Variants in TMPRSS15 observed in about 807,000 individuals in gnomAD.
TMPRSS15 encodes enteropeptidase.
Under a neutral mutation model 125.3 loss-of-function variants are expected in TMPRSS15, and 128 were observed. The ratio of observed to expected loss-of-function variants is 1.02; its 90% CI spans 0.89 to 1.18. The LOEUF (loss-of-function observed/expected upper bound fraction) is 1.18, where lower values mean the gene tolerates loss of function less well. Ranked by LOEUF, TMPRSS15 falls within the 50% of genes most tolerant of loss-of-function variation. TMPRSS15 has a pLI of 0.00. For missense variants in TMPRSS15, 1,283 were observed against 1,212.7 expected (o/e 1.06, Z -0.86); for synonymous variants, 446 against 423.2 (o/e 1.05, Z -0.66).
chr21:18,367,043 C>T (rs2075744708), intron 6 of TMPRSS15, among the ~76,000 whole-genome samples: 1 of 151,544 alleles, frequency 6.6e-6, no homozygotes, highest in African/African-American at 2.4e-5. Flanking sequence ...TATATATTTT[C>T]AGGTGCATAA....
At position 18,297,706 on chromosome 21, in the gene TMPRSS15, T is replaced by A. The variant is rs554974984; in HGVS notation, c.2261+28A>T. On this transcript the variant is annotated intron_variant, in intron 19 of 24. Coordinates refer to ENST00000284885, the MANE Select transcript of TMPRSS15 (RefSeq NM_002772.3). ...ATCTTCTGCCATGTCTATGTACAAC[T>A]AGTCTAAGAACAGATTTAGGGACCC... 6.5e-6 allele frequency: 10 copies of A among 1,535,868 alleles called. No homozygotes were observed. In the Admixed American group the frequency reaches 1.7e-4, roughly 26 times the overall value.
rs549815861 is a variant in TMPRSS15, at chr21:18,353,863, G to A, written c.881C>T (p.Ala294Val). The A allele has an allele frequency of 6.2e-7, 1 of 1,610,106 alleles. No homozygotes were observed. The highest frequency in any genetic ancestry group is 8.5e-7 in the Non-Finnish European group (1 of 1,177,190). Reference sequence around the variant, plus strand: ...GCCAGGATTAGTTTCCCAAATAGAAGCTACAAAATAAAATAAACAACTGTT... The same window carrying A: ...GCCAGGATTAGTTTCCCAAATAGAAACTACAAAATAAAATAAACAACTGTT... ...EGVGSSKILR[A>V]SIWETNPGTI... Residue 294 changes from alanine to valine, a missense_variant and splice_region_variant, in exon 9 of 25, where the codon GCT becomes GTT. Coordinates refer to ENST00000284885, the MANE Select transcript of TMPRSS15 (RefSeq NM_002772.3).
At chr21:18,358,249 A>C (rs1286317341) in intron 8 of TMPRSS15, among the ~76,000 whole-genome samples, 1 of 151,784 alleles carries the variant, frequency 6.6e-6, no homozygotes, top group Non-Finnish European at 1.5e-5. Context: ...CTCAACCTCT[A>C]CCAATTTAGA....
At chr21:18,345,583 T>A (rs1431309274) in intron 10 of TMPRSS15, among the ~76,000 whole-genome samples, 1 of 146,078 alleles carries the variant, frequency 6.8e-6, no homozygotes. Flanking sequence ...CTACAAAAAA[T>A]ACAAAAAATT....
At position 18,470,928 on chromosome 21, in the gene TMPRSS15, A is replaced by G. The variant is rs546571672; in HGVS notation, c.10+14871T>C. Reference sequence around the variant, plus strand: ...GATTCTCTGGGGAACCGATTTTTGTATCTTTAAAAAGATTAGTCTAGAAAT... The same window carrying G: ...GATTCTCTGGGGAACCGATTTTTGTGTCTTTAAAAAGATTAGTCTAGAAAT... On this transcript the variant is annotated intron_variant, in intron 1 of 7. Transcript: ENST00000422787. Among the ~76,000 whole-genome samples, 73 of 152,170 alleles carry G rather than the reference A, an allele frequency of 4.8e-4. 1 individual carries two copies. Among genetic ancestry groups the G allele is most frequent in the Middle Eastern group, 3.4e-3 (1 of 294 alleles).
upstream of TMPRSS15, among the ~76,000 whole-genome samples, chr21:18,407,448 C>CTTTTTTTTTTTTT (rs201740388): frequency 4.4e-4 from 58 of 133,172 alleles, no homozygotes; most frequent in Non-Finnish European, 6.5e-4. Flanking sequence ...TTTTTCTTTT[C>CTTTTTTTTTTTTT]TTTTTTTTTT....
intron 1 of TMPRSS15, among the ~76,000 whole-genome samples, chr21:18,413,303 TTTCTTTCTTTTCC>T (rs1394568923): frequency 4.9e-4 from 57 of 115,654 alleles, no homozygotes; most frequent in Middle Eastern, 4.1e-3. Context: ...TTTTCTTTCT[TTTCTTTCTTTTCC>T]TTCCTTCCTT....
intron 6 of TMPRSS15, among the ~76,000 whole-genome samples, chr21:18,367,430 T>C (rs1377664264): frequency 6.6e-6 from 1 of 152,218 alleles, no homozygotes; most frequent in African/African-American, 2.4e-5. Flanking sequence ...TTCAACGCTC[T>C]TTTCCACTGT....
At chr21:18,374,577 AG>A (rs1461676990) in intron 5 of TMPRSS15, among the ~76,000 whole-genome samples, 4 of 151,512 alleles carry the variant, frequency 2.6e-5, no homozygotes, top group African/African-American at 4.8e-5. Flanking sequence ...AAGGCATAGT[AG>A]GAAGGCAGTT....
chr21:18,365,252 C>T lies in TMPRSS15; in HGVS notation c.665-4G>A. 2 of 1,609,776 alleles carry T rather than the reference C, an allele frequency of 1.2e-6. No homozygotes were observed. The highest frequency in any genetic ancestry group is 1.7e-6 in the Non-Finnish European group (2 of 1,176,118). ...AATCTTCCATCACAAACTGTGGCTG[C>T]AAAACGATGCCAATTAATGTTAGAC... On this transcript the variant is annotated splice_polypyrimidine_tract_variant and splice_region_variant and intron_variant, in intron 6 of 24. Coordinates refer to ENST00000284885, the MANE Select transcript of TMPRSS15 (RefSeq NM_002772.3).
rs750020972 is a variant in TMPRSS15 at position 18,294,401 on chromosome 21, A to G, written c.2355T>C (p.Ile785=). The G allele has an allele frequency of 1.9e-6, 3 of 1,614,244 alleles. No individual in the cohort carries two copies. Among genetic ancestry groups the G allele is most frequent in the East Asian group, 2.2e-5 (1 of 44,890 alleles). Residue 785 remains isoleucine (I), a synonymous_variant, in exon 21 of 25, where the codon ATT becomes ATC. Coordinates refer to ENST00000284885, the MANE Select transcript of TMPRSS15 (RefSeq NM_002772.3). The part of the protein sequence containing the change: ...KLAAQDITPK[I]VGGSNAKEGA... The stretch of plus-strand genomic sequence containing the variant: ...CTTCTTTGGCATTACTTCCTCCAAC[A>G]ATCTTTGGGGTGATGTCTTGAGCTG...
chr21:18,413,320 C>T (rs867692148), intron 1 of TMPRSS15, among the ~76,000 whole-genome samples: 27 of 102,468 alleles, frequency 2.6e-4, no homozygotes, highest in Non-Finnish European at 4.1e-4. Context: ...CTTTTCCTTC[C>T]TTCCTTCCTT....
At chr21:18,410,390 C>T (rs975369572) in intron 1 of TMPRSS15, among the ~76,000 whole-genome samples, 81 of 152,262 alleles carry the variant, frequency 5.3e-4, no homozygotes, top group African/African-American at 1.9e-3. Flanking sequence ...CTCCTAATGG[C>T]TCCTCCCATC....
At chr21:18,295,765 T>C (rs1462240411) in intron 19 of TMPRSS15, among the ~76,000 whole-genome samples, 1 of 152,222 alleles carries the variant, frequency 6.6e-6, no homozygotes, top group African/African-American at 2.4e-5. Context: ...CATGTATTTC[T>C]AACACCCCAA....
intron 1 of TMPRSS15, among the ~76,000 whole-genome samples, chr21:18,426,301 TTG>T (rs2076202493): frequency 6.6e-6 from 1 of 152,184 alleles, no homozygotes; most frequent in African/African-American, 2.4e-5. Flanking sequence ...AACTTATCTA[TTG>T]TCACTTAGCA....
At chr21:18,376,770 C>T (rs563188808) in intron 5 of TMPRSS15, among the ~76,000 whole-genome samples, 2 of 152,268 alleles carry the variant, frequency 1.3e-5, no homozygotes, top group East Asian at 3.9e-4. Context: ...AGTCCTTCTC[C>T]TCTAGTGTTC....
At position 18,466,275 on chromosome 21, in the gene TMPRSS15, A is replaced by T. The variant is rs190589646; in HGVS notation, c.10+19524T>A. On this transcript the variant is annotated intron_variant, in intron 1 of 7. Transcript: ENST00000422787. ...CAAAAATTAACTCAAGATGGATTAAAGACTTAAATGTAAGACCTAAAGCCA... is the reference window on the plus strand; with the variant it reads ...CAAAAATTAACTCAAGATGGATTAATGACTTAAATGTAAGACCTAAAGCCA... 4.9e-3 allele frequency among the ~76,000 whole-genome samples: 741 copies of T among 152,328 alleles called. 7 individuals are homozygous for T. Among genetic ancestry groups the T allele is most frequent in the African/African-American group, 0.017 (718 of 41,578 alleles).
chr21:18,275,309 G>C lies in TMPRSS15; in HGVS notation c.2792C>G (p.Ala931Gly). 1 of 1,614,014 alleles carries C rather than the reference G, an allele frequency of 6.2e-7. No homozygotes were observed. The highest frequency in any genetic ancestry group is 1.3e-5 in the African/African-American group (1 of 75,044). The part of the protein sequence containing the change: ...QGTTANILQE[A>G]DVPLLSNERC... ...CTCATTTGATAGAAGAGGAACATCA[G>C]CTTCTTGCAATATGTTTGCAGTAGT... is the stretch of plus-strand genomic sequence containing the variant. Residue 931 changes from alanine (A) to glycine (G), a missense_variant, in exon 24 of 25, where the codon GCT becomes GGT. Coordinates refer to ENST00000284885, the MANE Select transcript of TMPRSS15 (RefSeq NM_002772.3).
chr21:18,399,175 G>A (rs147119282), intron 1 of TMPRSS15, among the ~76,000 whole-genome samples: 126 of 152,094 alleles, frequency 8.3e-4, no homozygotes, highest in Middle Eastern at 3.4e-3. Flanking sequence ...GCGAGAAGAC[G>A]TAGTTTCTTC....
Sources: gnomAD v4.1 joint callset for allele counts (sites outside exome capture counted in the v4.1 genomes callset) on GRCh38, gnomAD v4.1.1 for gene constraint, MANE v1.5 for transcripts, NCBI Gene and HGNC (gene_info 2026-07-23, HGNC 2026-07-21) for gene names.